Variants in SYNE2 observed in about 807,000 individuals in gnomAD.
The protein encoded by SYNE2 is nesprin-2.
Under a neutral mutation model 856.3 loss-of-function variants are expected in SYNE2, and 431 were observed. That is an observed-to-expected ratio of 0.50 (90% confidence interval 0.47 to 0.55). The LOEUF is 0.55. Ranked by LOEUF, SYNE2 falls within the 20% of genes least tolerant of loss-of-function variation. SYNE2 has a pLI of 0.00. For missense variants in SYNE2, 8,129 were observed against 8,023.2 expected, an observed-to-expected ratio of 1.01 and a Z score of -0.50; for synonymous variants, 2,923 against 2,872.3, an observed-to-expected ratio of 1.02 and a Z score of -0.56.
intron 66 of SYNE2, among the ~76,000 whole-genome samples, chr14:64,113,929 T>C (rs2097833522): frequency 6.6e-6 from 1 of 152,180 alleles, no homozygotes; most frequent in Non-Finnish European, 1.5e-5. Context: ...TTAAATAAGG[T>C]ATTTAAAGCA....
intron 88 of SYNE2, chr14:64,162,943 T>C (rs918877825): frequency 5.5e-6 from 1 of 180,498 alleles, no homozygotes; most frequent in Non-Finnish European, 1.2e-5. Flanking sequence ...ACAAATTTTA[T>C]GTACACAATA....
chr14:63,808,593 G>A (rs1888480999), intron 1 of SYNE2: 1 of 152,620 alleles, frequency 6.6e-6, no homozygotes, highest in African/African-American at 2.4e-5. Flanking sequence ...GGGGCACCAT[G>A]GTACTGGGCA....
intron 1 of SYNE2, among the ~76,000 whole-genome samples, chr14:63,847,536 A>C (rs953524056): frequency 3.3e-5 from 5 of 151,906 alleles, no homozygotes; most frequent in African/African-American, 1.2e-4. Flanking sequence ...TGATATAGCC[A>C]ATTTTCATTG....
chr14:63,955,076 A>T (rs2096223819), intron 8 of SYNE2, among the ~76,000 whole-genome samples, 161 bp downstream of exon 8: 1 of 152,222 alleles, frequency 6.6e-6, no homozygotes, highest in African/African-American at 2.4e-5. Flanking sequence ...AACAATTCCT[A>T]CCAATTTGTT....
In SYNE2 at chr14:64,053,648, T is replaced by G; in HGVS notation, c.9735T>G (p.Asp3245Glu). ...AGATGCAGCTTAACACAAGCATTGA[T>G]TTGCGCACAGTAAGTTTTAAAAATT... The part of the protein sequence containing the change: ...DLQMQLNTSI[D>E]LRTNVLNDAY... Residue 3245 changes from aspartate (D) to glutamate (E), a missense_variant, in exon 48 of 116, where the codon GAT becomes GAG. By Grantham distance (45) the Asp-to-Glu change is conservative (BLOSUM62 2). Coordinates refer to ENST00000555002, the MANE Select transcript of SYNE2 (RefSeq NM_182914.3). 1.2e-6 allele frequency: 2 copies of G among 1,613,124 alleles called. No individual in the cohort carries two copies. Among genetic ancestry groups the G allele is most frequent in the Non-Finnish European group, 1.7e-6 (2 of 1,179,356 alleles).
chr14:64,017,800 G>T, intron 34 of SYNE2, 44 bp downstream of exon 34: 1 of 1,595,180 alleles, frequency 6.3e-7, no homozygotes, highest in South Asian at 1.1e-5. Context: ...GTACACAATT[G>T]ACATTTTTTA....
At chr14:63,865,151 A>G in intron 1 of SYNE2, among the ~76,000 whole-genome samples, 1 of 132,236 alleles carries the variant, frequency 7.6e-6, no homozygotes, top group Non-Finnish European at 1.6e-5. Flanking sequence ...TATAGAACAC[A>G]TGGTAACAAA....
chr14:64,083,368 TG>T (rs1334438264), intron 57 of SYNE2, among the ~76,000 whole-genome samples: 1 of 151,588 alleles, frequency 6.6e-6, no homozygotes, highest in African/African-American at 2.4e-5. Context: ...AGAGGAATGA[TG>T]CTTTTTTTTT....
chr14:64,126,266 A>G (rs968834550), intron 71 of SYNE2, 61 bp from the exon 72 acceptor site: 17 of 1,477,840 alleles, frequency 1.2e-5, no homozygotes, highest in South Asian at 2.3e-5. Flanking sequence ...ACTAGGCAAA[A>G]TATAGGTCTA....
At chr14:64,105,192 A>G (rs10149314) in intron 64 of SYNE2, among the ~76,000 whole-genome samples, 46,679 of 152,074 alleles carry the variant, frequency 0.31, 10,661 homozygotes, top group African/African-American at 0.64. Context: ...ACAGTCTCCA[A>G]TTGTTTTTCC....
chr14:64,055,910 A>T (rs376066788), intron 48 of SYNE2, 34 bp from the exon 49 acceptor site: 1 of 1,585,990 alleles, frequency 6.3e-7, no homozygotes, highest in Non-Finnish European at 8.6e-7. Flanking sequence ...AAGTTTGACA[A>T]TTTTGTCACA....
intron 85 of SYNE2, among the ~76,000 whole-genome samples, chr14:64,157,654 C>T (rs993530784): frequency 6.6e-6 from 1 of 152,182 alleles, no homozygotes. Flanking sequence ...GAGGAACTAT[C>T]TAGCTGTTTT....
chr14:64,100,512 C>T lies in SYNE2; in HGVS notation c.12382-1420C>T, dbSNP rs1595517121. 1.7e-4 allele frequency among the ~76,000 whole-genome samples: 3 copies of T among 17,454 alleles called. No individual in the cohort carries two copies. In the Admixed American group the frequency reaches 3.1e-3, roughly 18 times the overall value. The allele number at this position is 17,454 out of a possible 152,430, so 11.5% of individuals were successfully genotyped here. A position where few individuals can be genotyped will look rare whatever the true frequency, so the allele number is the denominator to read the frequency against. On this transcript the variant is annotated intron_variant, in intron 63 of 115. Coordinates refer to ENST00000555002, the MANE Select transcript of SYNE2 (RefSeq NM_182914.3). ...GCCTGGGTGACAAGAGCAAAACTGTCTCAAAAAAAAAAAAAAAAAATATAT... is the reference window on the plus strand; with the variant it reads ...GCCTGGGTGACAAGAGCAAAACTGTTTCAAAAAAAAAAAAAAAAAATATAT...
At chr14:63,965,874 A>G (rs572541806) in intron 10 of SYNE2, among the ~76,000 whole-genome samples, 4 of 152,174 alleles carry the variant, frequency 2.6e-5, no homozygotes, top group Non-Finnish European at 4.4e-5. Flanking sequence ...TTTCTCGACA[A>G]AGTGCTCATC....
intron 28 of SYNE2, 93 bp downstream of exon 28, chr14:64,000,812 T>C (rs1205317819): frequency 1.6e-5 from 19 of 1,178,704 alleles, no homozygotes; most frequent in Non-Finnish European, 2.3e-5. Context: ...ACTAAGTATG[T>C]TATTTTATTT....
At chr14:63,921,535 T>G (rs1340446191) in intron 2 of SYNE2, among the ~76,000 whole-genome samples, 1 of 152,174 alleles carries the variant, frequency 6.6e-6, no homozygotes, top group Non-Finnish European at 1.5e-5. Flanking sequence ...TGTGGTATCA[T>G]GGACCCCAGA....
chr14:64,117,465 A>G (rs1595635168), intron 66 of SYNE2, among the ~76,000 whole-genome samples: 2 of 151,680 alleles, frequency 1.3e-5, no homozygotes, highest in Non-Finnish European at 2.9e-5. Context: ...ATGCCTGGCT[A>G]ATTTTATTTT....
intron 49 of SYNE2, among the ~76,000 whole-genome samples, chr14:64,059,096 C>T (rs1216040401): frequency 1.3e-5 from 2 of 151,912 alleles, no homozygotes; most frequent in Non-Finnish European, 2.9e-5. Flanking sequence ...TTTGATTTTC[C>T]TCAAAACAGC....
At chr14:64,155,861 A>G (rs1036035275) in intron 85 of SYNE2, among the ~76,000 whole-genome samples, 2 of 152,166 alleles carry the variant, frequency 1.3e-5, no homozygotes, top group African/African-American at 2.4e-5. Context: ...CCAGGGGTAA[A>G]CAAGAGTCAA....
Sources: allele counts gnomAD v4.1 joint callset (sites outside exome capture counted in the v4.1 genomes callset), GRCh38; gene constraint gnomAD v4.1.1; transcripts MANE v1.5; gene names NCBI Gene and HGNC (gene_info 2026-07-23, HGNC 2026-07-21).